Variants in HDAC9 observed in about 807,000 individuals in gnomAD.
HDAC9 encodes the protein MEF-2 interacting transcription repressor (MITR) protein.
In HDAC9, 41 loss-of-function variants were observed where a neutral mutation model predicts 139.4. That is an observed-to-expected ratio of 0.29 (90% CI 0.23 to 0.38). The LOEUF (loss-of-function observed/expected upper bound fraction) is 0.38, where lower values mean the gene tolerates loss of function less well. HDAC9 is among the 10% of genes least tolerant of loss of function. The pLI, the probability that HDAC9 is intolerant of heterozygous loss-of-function variation, is 1.00. For missense variants in HDAC9, 1,147 were observed against 1,297.0 expected, an observed-to-expected ratio of 0.88 and a Z score of 1.78; for synonymous variants, 517 against 476.2, an observed-to-expected ratio of 1.09 and a Z score of -1.12.
At chr7:18,397,217 T>C (rs146096894) in intron 1 of HDAC9, among the ~76,000 whole-genome samples, 133 of 152,246 alleles carry the variant, frequency 8.7e-4, no homozygotes, top group Middle Eastern at 6.8e-3. Context: ...GGAGTGGTCC[T>C]TGTATATTAG....
At chr7:18,347,534 A>G (rs1009987672) in intron 1 of HDAC9, among the ~76,000 whole-genome samples, 11 of 152,228 alleles carry the variant, frequency 7.2e-5, no homozygotes, top group South Asian at 2.1e-4. Flanking sequence ...ATTCCTATTC[A>G]GTTAAACAAA....
At chr7:18,814,756 G>A (rs1365759643) in intron 17 of HDAC9, among the ~76,000 whole-genome samples, 1 of 152,120 alleles carries the variant, frequency 6.6e-6, no homozygotes. Flanking sequence ...CTTGTTGGTA[G>A]CTATTCTACT....
chr7:18,236,356 A>G (rs1793815975), intron 2 of HDAC9, among the ~76,000 whole-genome samples: 2 of 152,054 alleles, frequency 1.3e-5, no homozygotes, highest in African/African-American at 4.8e-5. Context: ...CAACCCAGAA[A>G]CCCTAGAGAA....
intron 2 of HDAC9, among the ~76,000 whole-genome samples, chr7:18,552,927 A>G (rs541505300): frequency 1.9e-4 from 29 of 152,340 alleles, no homozygotes; most frequent in African/African-American, 7.0e-4. Flanking sequence ...GCTAATATGC[A>G]CAAGCTTGAA....
At chr7:18,584,744 T>C (rs888493043) in intron 2 of HDAC9, among the ~76,000 whole-genome samples, 8 of 152,240 alleles carry the variant, frequency 5.3e-5, no homozygotes, top group African/African-American at 1.9e-4. Context: ...TTCCACATTT[T>C]AGCATGCAGT....
intron 2 of HDAC9, among the ~76,000 whole-genome samples, chr7:18,169,325 C>T (rs1788239816): frequency 1.3e-5 from 2 of 152,050 alleles, no homozygotes; most frequent in South Asian, 4.2e-4. Context: ...ATCCACTGCA[C>T]CCCTCTTATT....
chr7:18,120,380 C>G (rs1157070665), intron 1 of HDAC9, among the ~76,000 whole-genome samples: 1 of 152,164 alleles, frequency 6.6e-6, no homozygotes, highest in Non-Finnish European at 1.5e-5. Flanking sequence ...CATCTTGTAG[C>G]TGAGGTTCAA....
At chr7:18,612,769 G>A (rs531315264) in intron 6 of HDAC9, among the ~76,000 whole-genome samples, 35 of 152,170 alleles carry the variant, frequency 2.3e-4, no homozygotes, top group African/African-American at 7.0e-4. Context: ...TATTTAGTCA[G>A]AAAGAGAATG....
intron 2 of HDAC9, among the ~76,000 whole-genome samples, chr7:18,505,032 A>T (rs1799380095): frequency 6.6e-6 from 1 of 152,216 alleles, no homozygotes. Flanking sequence ...GTTTTGCTGG[A>T]AGATCCTTAC....
chr7:18,379,775 T>C lies in HDAC9; in HGVS notation c.-42+89260T>C, dbSNP rs150189639. The stretch of plus-strand genomic sequence containing the variant: ...TTTTTCTGAGGCTTGCGGTACATTA[T>C]TGGCAAATAATTATAAGGTCTCTAT... On this transcript the variant is annotated intron_variant, in intron 1 of 3. Transcript: ENST00000413509. Among the ~76,000 whole-genome samples the C allele has an allele frequency of 6.4e-3, 976 of 152,300 alleles. 1 individual carries two copies. The highest frequency in any genetic ancestry group is 0.01 in the Non-Finnish European group (712 of 68,026).
intron 2 of HDAC9, among the ~76,000 whole-genome samples, chr7:18,523,788 T>G (rs1327887959): frequency 1.3e-5 from 2 of 152,020 alleles, no homozygotes; most frequent in African/African-American, 4.8e-5. Context: ...GAGTAGGTAA[T>G]TTTTATGAAG....
chr7:18,526,576 A>G (rs540557588), intron 2 of HDAC9, among the ~76,000 whole-genome samples: 68 of 152,310 alleles, frequency 4.5e-4, no homozygotes, highest in Non-Finnish European at 8.4e-4. Context: ...TAATCTCATA[A>G]GGGTGTCAGA....
intron 2 of HDAC9, among the ~76,000 whole-genome samples, chr7:18,547,151 T>G (rs1389693653): frequency 6.6e-6 from 1 of 152,244 alleles, no homozygotes; most frequent in Admixed American, 6.5e-5. Flanking sequence ...CACAACCTTT[T>G]TTGCTGGCTG....
chr7:18,699,484 C>A (rs1240197173), intron 12 of HDAC9, among the ~76,000 whole-genome samples: 2 of 151,996 alleles, frequency 1.3e-5, no homozygotes, highest in African/African-American at 4.8e-5. Flanking sequence ...TTCCTTAGTG[C>A]AAATAAGAAG....
intron 2 of HDAC9, among the ~76,000 whole-genome samples, chr7:18,196,950 A>G (rs1199225276): frequency 6.6e-6 from 1 of 152,182 alleles, no homozygotes; most frequent in Non-Finnish European, 1.5e-5. Flanking sequence ...TGTGAGGGTG[A>G]TTTTAGATGA....
chr7:18,889,740 C>T (rs1391245718), intron 22 of HDAC9, among the ~76,000 whole-genome samples: 1 of 152,176 alleles, frequency 6.6e-6, no homozygotes, highest in Middle Eastern at 3.2e-3. Flanking sequence ...CTCTGTCACC[C>T]AGGCTGAAGT....
At chr7:18,643,681 C>A (rs562680307) in intron 8 of HDAC9, among the ~76,000 whole-genome samples, 1 of 152,152 alleles carries the variant, frequency 6.6e-6, no homozygotes, top group South Asian at 2.1e-4. Flanking sequence ...ACATGCTTGA[C>A]AAGTTATTAT....
At chr7:18,324,085 A>G (rs1223915867) in intron 1 of HDAC9, among the ~76,000 whole-genome samples, 1 of 151,916 alleles carries the variant, frequency 6.6e-6, no homozygotes, top group Non-Finnish European at 1.5e-5. Flanking sequence ...ATACAATCAC[A>G]CTGGGGATGA....
chr7:18,385,724 C>A (rs538744861), intron 1 of HDAC9, among the ~76,000 whole-genome samples: 3 of 152,198 alleles, frequency 2.0e-5, no homozygotes, highest in African/African-American at 7.2e-5. Context: ...TGATAGTGAC[C>A]ACTTTATTGC....
Sources: allele counts gnomAD v4.1 joint callset (sites outside exome capture counted in the v4.1 genomes callset), GRCh38; gene constraint gnomAD v4.1.1; transcripts MANE v1.5; gene names NCBI Gene and HGNC (gene_info 2026-07-23, HGNC 2026-07-21).